Variants in SNAP47 observed in about 807,000 individuals in gnomAD.
SNAP47 encodes the protein synaptosomal-associated protein 47.
In SNAP47, 20 loss-of-function variants were observed where a neutral mutation model predicts 31.4. The observed-to-expected ratio is 0.64, with a 90% CI of 0.45 to 0.93. The LOEUF (loss-of-function observed/expected upper bound fraction) is 0.93. Among genes scored for constraint, SNAP47 ranks in the 40% least tolerant of loss-of-function variants. SNAP47 has a pLI of 0.00. For missense variants in SNAP47, 492 were observed against 528.5 expected (o/e 0.93, Z 0.68); for synonymous variants, 194 against 213.4 (o/e 0.91, Z 0.79).
At chr1:227,780,237 G>A (rs10916207) in intron 4 of SNAP47, among the ~76,000 whole-genome samples, 76,958 of 152,004 alleles carry the variant, frequency 0.51, 19,617 homozygotes, top group Admixed American at 0.52. Flanking sequence ...AGAGCACTCC[G>A]CAGCCTGGAG....
upstream of SNAP47, chr1:227,735,165 C>T (rs201199352): frequency 1.4e-3 from 2,175 of 1,580,332 alleles, 18 homozygotes; most frequent in Non-Finnish European, 5.0e-4. Context: ...GAGAAGGCGC[C>T]CGGCTCCGAG....
chr1:227,732,467 G>T (rs1660723393), upstream of SNAP47: 1 of 1,613,202 alleles, frequency 6.2e-7, no homozygotes, highest in Non-Finnish European at 8.5e-7. Flanking sequence ...AGAACGCGCT[G>T]GTGTCCACTC....
upstream of SNAP47, chr1:227,733,409 A>G (rs746902443): frequency 6.4e-7 from 1 of 1,569,904 alleles, no homozygotes; most frequent in African/African-American, 1.4e-5. Flanking sequence ...GAAGCAGCAC[A>G]TTACCAGGTT....
At position 227,781,093 on chromosome 1, in the gene SNAP47, A is replaced by C; in HGVS notation, c.*420A>C. 6.0e-6 allele frequency: 1 copy of C among 167,064 alleles called. No individual in the cohort carries two copies. Among genetic ancestry groups the C allele is most frequent in the Non-Finnish European group, 1.3e-5 (1 of 78,126 alleles). The allele number at this position is 167,064 out of a possible 1,614,324, so 10.3% of individuals were successfully genotyped here. A position where few individuals can be genotyped will look rare whatever the true frequency, so the allele number is the denominator to read the frequency against. On this transcript the variant is annotated 3_prime_UTR_variant, in exon 5 of 5. Coordinates refer to ENST00000617596, the MANE Select transcript of SNAP47 (RefSeq NM_053052.4). ...CTCACTTTGAGGGCATCCTATAAAC[A>C]CCCAACTGTTCTTTTATCGTCTCGG...
At chr1:227,748,337 T>C in intron 2 of SNAP47, 104 bp downstream of exon 2, 2 of 1,270,938 alleles carry the variant, frequency 1.6e-6, no homozygotes, top group Non-Finnish European at 2.1e-6. Flanking sequence ...TTTGCACACA[T>C]CCAGCATTCT....
chr1:227,754,991 T>C (rs969998653), intron 2 of SNAP47, among the ~76,000 whole-genome samples: 4 of 152,088 alleles, frequency 2.6e-5, no homozygotes, highest in Admixed American at 1.3e-4. Context: ...GCCAAGGGGA[T>C]TCCAAAGTAA....
intron 1 of SNAP47, among the ~76,000 whole-genome samples, chr1:227,743,312 C>T (rs956019843): frequency 6.6e-6 from 1 of 152,148 alleles, no homozygotes; most frequent in African/African-American, 2.4e-5. Context: ...GGAGGCCAGC[C>T]TTAAATCTCC....
intron 2 of SNAP47, among the ~76,000 whole-genome samples, chr1:227,756,556 C>G (rs1662707295): frequency 6.6e-6 from 1 of 152,246 alleles, no homozygotes; most frequent in South Asian, 2.1e-4. Flanking sequence ...CCTGCCTGTC[C>G]TTCTGCCTGC....
chr1:227,764,007 T>C (rs1663231368), intron 3 of SNAP47, among the ~76,000 whole-genome samples: 1 of 152,202 alleles, frequency 6.6e-6, no homozygotes, highest in South Asian at 2.1e-4. Flanking sequence ...CAGTGTGCCC[T>C]GGGCTCTTCC....
At chr1:227,728,650 C>T (rs1660455574), upstream of SNAP47, 1 of 151,044 alleles carries the variant, frequency 6.6e-6, no homozygotes, top group Admixed American at 6.6e-5. Flanking sequence ...TGCCCCCAAC[C>T]AAAGTCATGA....
chr1:227,743,640 G>A (rs1276713665), intron 1 of SNAP47, among the ~76,000 whole-genome samples: 1 of 152,220 alleles, frequency 6.6e-6, no homozygotes, highest in Non-Finnish European at 1.5e-5. Flanking sequence ...GTCACAGGCC[G>A]TGTCATCGTT....
In SNAP47 at chr1:227,763,389, T is replaced by A. The variant is rs542227104; in HGVS notation, c.989-3570T>A. On this transcript the variant is annotated intron_variant, in intron 3 of 4. Coordinates refer to ENST00000617596, the MANE Select transcript of SNAP47 (RefSeq NM_053052.4). The surrounding 1 kb of genome is among the most constrained non-coding windows in gnomAD (Gnocchi z 4.2). ...CCTGTACCTCTGCTTCCCCGGGCCGTGTGTCTGTCTGCACAGCAGCACCAG... is the reference window on the plus strand; with the variant it reads ...CCTGTACCTCTGCTTCCCCGGGCCGAGTGTCTGTCTGCACAGCAGCACCAG... 2.0e-5 allele frequency among the ~76,000 whole-genome samples: 3 copies of A among 152,172 alleles called. No individual in the cohort carries two copies. The highest frequency in any genetic ancestry group is 2.9e-5 in the Non-Finnish European group (2 of 68,018).
chr1:227,750,246 G>C (rs1393953799), intron 2 of SNAP47, among the ~76,000 whole-genome samples: 8 of 152,270 alleles, frequency 5.3e-5, no homozygotes, highest in African/African-American at 1.9e-4. Flanking sequence ...GTCAGAGTCT[G>C]CAGGGGGCCA....
intron 2 of SNAP47, among the ~76,000 whole-genome samples, chr1:227,752,968 T>C (rs183463833): frequency 7.2e-4 from 110 of 152,252 alleles, no homozygotes; most frequent in African/African-American, 2.6e-3. Context: ...AGTCCCAGAG[T>C]GAGTTGTTGG....
At chr1:227,737,890 A>G (rs944634461) in intron 1 of SNAP47, among the ~76,000 whole-genome samples, 10 of 152,074 alleles carry the variant, frequency 6.6e-5, no homozygotes, top group South Asian at 2.1e-4. Context: ...ACGGTATGCA[A>G]TTGTTTATTG....
chr1:227,756,386 G>T (rs1385329156), intron 2 of SNAP47, among the ~76,000 whole-genome samples: 1 of 152,148 alleles, frequency 6.6e-6, no homozygotes, highest in African/African-American at 2.4e-5. Context: ...GAGATTCCTA[G>T]GTATGAGTAT....
At chr1:227,773,936 C>A (rs563416575) in intron 4 of SNAP47, among the ~76,000 whole-genome samples, 115 of 152,340 alleles carry the variant, frequency 7.5e-4, no homozygotes, top group African/African-American at 2.7e-3. Flanking sequence ...TGTTTTCATT[C>A]ATCTCAAATA....
intron 2 of SNAP47, among the ~76,000 whole-genome samples, chr1:227,758,683 T>A (rs1394360076): frequency 6.6e-6 from 1 of 152,190 alleles, no homozygotes; most frequent in Non-Finnish European, 1.5e-5. Context: ...TCATTTTGAA[T>A]CAAGATGACC....
At chr1:227,774,484 A>G (rs1664035612) in intron 4 of SNAP47, among the ~76,000 whole-genome samples, 1 of 152,106 alleles carries the variant, frequency 6.6e-6, no homozygotes, top group Non-Finnish European at 1.5e-5. Flanking sequence ...GCTGCTGCTG[A>G]GCTGTGTGTC....
Sources: allele counts gnomAD v4.1 joint callset (sites outside exome capture counted in the v4.1 genomes callset), GRCh38; gene constraint gnomAD v4.1.1; non-coding constraint Gnocchi (gnomAD v3.1); transcripts MANE v1.5; gene names NCBI Gene and HGNC (gene_info 2026-07-23, HGNC 2026-07-21).